Variants in KLRG1 observed in about 807,000 individuals in gnomAD.
The protein encoded by KLRG1 is killer cell lectin like receptor G1.
Under a neutral mutation model 21.8 loss-of-function variants are expected in KLRG1, and 16 were observed. The observed-to-expected ratio is 0.73, with a 90% CI of 0.50 to 1.11. The LOEUF is 1.11. KLRG1 is among the 50% of genes most tolerant of loss of function. The probability of loss-of-function intolerance (pLI) is 0.00; values close to 1 mark genes in which losing one functional copy is unlikely to be tolerated. For synonymous variants in KLRG1, 69 were observed against 75.9 expected, an observed-to-expected ratio of 0.91 and a Z score of 0.47; for missense variants, 173 against 218.3, an observed-to-expected ratio of 0.79 and a Z score of 1.31.
the KLRG1 span, chr12:9,067,092 A>T: frequency 6.6e-6 from 1 of 152,364 alleles, no homozygotes; most frequent in African/African-American, 2.4e-5. Flanking sequence ...TATCTCCTTG[A>T]CTTTACAGCT....
the KLRG1 span, among the ~76,000 whole-genome samples, chr12:9,062,595 TAATA>T: frequency 0.028 from 2,385 of 83,784 alleles, 66 homozygotes; most frequent in African/African-American, 0.067. Flanking sequence ...TATATATACA[TAATA>T]AATACATTGT....
At chr12:9,053,684 C>T in the KLRG1 span, among the ~76,000 whole-genome samples, 4 of 152,298 alleles carry the variant, frequency 2.6e-5, no homozygotes, top group Non-Finnish European at 5.9e-5. Context: ...TGTGCTCGGA[C>T]CTGCTTCCTC....
the KLRG1 span, chr12:9,095,506 A>C: frequency 6.3e-7 from 1 of 1,589,382 alleles, no homozygotes; most frequent in Admixed American, 1.7e-5. Context: ...TAAGAAGCTT[A>C]AGATCAGACC....
the KLRG1 span, among the ~76,000 whole-genome samples, chr12:9,076,127 G>C: frequency 2.4e-4 from 37 of 152,170 alleles, no homozygotes; most frequent in Non-Finnish European, 3.7e-4. Context: ...TAAAATACCA[G>C]AATTCATTCA....
the KLRG1 span, among the ~76,000 whole-genome samples, chr12:9,123,946 C>T: frequency 6.6e-6 from 1 of 151,210 alleles, no homozygotes; most frequent in Non-Finnish European, 1.5e-5. Context: ...CGAAAGGACT[C>T]AGCTGCCGCC....
At chr12:8,981,596 T>A (rs1354264978) in intron 1 of KLRG1, among the ~76,000 whole-genome samples, 1 of 152,178 alleles carries the variant, frequency 6.6e-6, no homozygotes, top group Middle Eastern at 3.2e-3. Context: ...TCACTGTGGT[T>A]ATAAAATATA....
chr12:9,118,757 T>C, the KLRG1 span, among the ~76,000 whole-genome samples: 1 of 152,242 alleles, frequency 6.6e-6, no homozygotes, highest in African/African-American at 2.4e-5. Flanking sequence ...TTATTGAACA[T>C]GTACAAAATC....
chr12:9,017,261 T>C, the KLRG1 span, among the ~76,000 whole-genome samples: 5 of 37,124 alleles, frequency 1.3e-4, no homozygotes, highest in Non-Finnish European at 1.8e-4. Flanking sequence ...TGAAACTCCA[T>C]CTCAAAAAAA....
At chr12:9,081,532 TG>T in the KLRG1 span, among the ~76,000 whole-genome samples, 1 of 152,204 alleles carries the variant, frequency 6.6e-6, no homozygotes, top group Non-Finnish European at 1.5e-5. Context: ...AAATCTATTT[TG>T]AAAACCCCAA....
the KLRG1 span, chr12:9,095,769 T>C: frequency 8.9e-7 from 1 of 1,124,890 alleles, no homozygotes. Flanking sequence ...TTTTTTTTTT[T>C]TGAGACGGAG....
downstream of KLRG1, among the ~76,000 whole-genome samples, chr12:9,012,843 G>T (rs1450904969): frequency 6.6e-6 from 1 of 151,980 alleles, no homozygotes; most frequent in Non-Finnish European, 1.5e-5. Flanking sequence ...AGAGTCCTTG[G>T]GCCTTGAGGG....
chr12:9,054,596 T>C, the KLRG1 span, among the ~76,000 whole-genome samples: 1 of 152,176 alleles, frequency 6.6e-6, no homozygotes, highest in East Asian at 1.9e-4. Flanking sequence ...AATTCTACTA[T>C]TCTAGTTATT....
chr12:9,018,408 G>C, the KLRG1 span, among the ~76,000 whole-genome samples: 1 of 152,090 alleles, frequency 6.6e-6, no homozygotes, highest in East Asian at 1.9e-4. Context: ...GAACAGCATG[G>C]CACTGGCATT....
At chr12:8,964,729 G>A (rs1337586215) in intron 1 of KLRG1, among the ~76,000 whole-genome samples, 1 of 150,362 alleles carries the variant, frequency 6.7e-6, no homozygotes, top group Non-Finnish European at 1.5e-5. Flanking sequence ...CCTGTATTGG[G>A]TGCATATATA....
At chr12:9,102,479 G>A in the KLRG1 span, among the ~76,000 whole-genome samples, 1 of 152,286 alleles carries the variant, frequency 6.6e-6, no homozygotes, top group African/African-American at 2.4e-5. Flanking sequence ...GCCTCCCAAA[G>A]TGCTGGGATT....
chr12:9,105,957 TG>T, the KLRG1 span, among the ~76,000 whole-genome samples: 1 of 152,164 alleles, frequency 6.6e-6, no homozygotes, highest in East Asian at 1.9e-4. Context: ...TTGAGTGACT[TG>T]TACAATGCTG....
the KLRG1 span, among the ~76,000 whole-genome samples, chr12:9,159,264 C>T: frequency 6.6e-6 from 1 of 152,144 alleles, no homozygotes; most frequent in Admixed American, 6.5e-5. Flanking sequence ...TTAAAAAAAT[C>T]AACCTAAAAG....
intron 1 of KLRG1, among the ~76,000 whole-genome samples, chr12:8,972,813 T>A (rs1160214194): frequency 2.6e-5 from 4 of 152,142 alleles, no homozygotes; most frequent in Admixed American, 2.6e-4. Context: ...TGATTCCATA[T>A]AAATTTAAGG....
chr12:9,104,645 A>T, the KLRG1 span, among the ~76,000 whole-genome samples: 1 of 152,200 alleles, frequency 6.6e-6, no homozygotes, highest in Non-Finnish European at 1.5e-5. Context: ...TAAGAAGAAA[A>T]ACAGAGCAGT....
Sources: gnomAD v4.1 joint callset for allele counts (sites outside exome capture counted in the v4.1 genomes callset) on GRCh38, gnomAD v4.1.1 for gene constraint, MANE v1.5 for transcripts, NCBI Gene and HGNC (gene_info 2026-07-23, HGNC 2026-07-21) for gene names.